Variants in ADK observed in about 807,000 individuals in gnomAD.
The protein encoded by ADK is N6,N6-dimethyladenosine kinase.
A neutral mutation model predicts 44.7 loss-of-function variants in ADK; 24 were observed. That is an observed-to-expected ratio of 0.54 (90% CI 0.39 to 0.76). ADK has a LOEUF of 0.76. Among genes scored for constraint, ADK ranks in the 30% least tolerant of loss-of-function variants. The probability of loss-of-function intolerance (pLI) is 0.00; values close to 1 mark genes in which losing one functional copy is unlikely to be tolerated. For missense variants in ADK, 321 were observed against 425.1 expected, an observed-to-expected ratio of 0.76 and a Z score of 2.15; for synonymous variants, 128 against 142.6, an observed-to-expected ratio of 0.90 and a Z score of 0.73.
chr10:74,564,464 G>A (rs1480560834), intron 7 of ADK, among the ~76,000 whole-genome samples: 1 of 151,934 alleles, frequency 6.6e-6, no homozygotes. Flanking sequence ...TCCTTTTACT[G>A]TTTTTCTTCC....
intron 4 of ADK, among the ~76,000 whole-genome samples, chr10:74,332,925 A>T (rs1841269594): frequency 6.6e-6 from 1 of 152,182 alleles, no homozygotes; most frequent in South Asian, 2.1e-4. Context: ...ATTTTTCTTA[A>T]ATTGAATATG....
intron 10 of ADK, among the ~76,000 whole-genome samples, chr10:74,696,391 G>A (rs909189837): frequency 2.0e-5 from 3 of 148,234 alleles, no homozygotes; most frequent in Admixed American, 6.7e-5. Flanking sequence ...TTTTTGAAAC[G>A]AACTCGTTCT....
At chr10:74,486,554 A>G (rs894453385) in intron 6 of ADK, among the ~76,000 whole-genome samples, 1 of 152,194 alleles carries the variant, frequency 6.6e-6, no homozygotes, top group Non-Finnish European at 1.5e-5. Flanking sequence ...TTAAAACTTT[A>G]TAATGAATAT....
At chr10:74,528,484 C>G (rs544520333) in intron 7 of ADK, among the ~76,000 whole-genome samples, 26 of 150,254 alleles carry the variant, frequency 1.7e-4, no homozygotes, top group African/African-American at 6.3e-4. Flanking sequence ...AAAAAAGACT[C>G]CAAAGTACAA....
At chr10:74,181,154 A>G (rs1350028274) in intron 1 of ADK, among the ~76,000 whole-genome samples, 1 of 152,204 alleles carries the variant, frequency 6.6e-6, no homozygotes, top group Non-Finnish European at 1.5e-5. Context: ...ACATATCTTG[A>G]ACTAGATATG....
chr10:74,551,146 C>G (rs1056960796), intron 7 of ADK, among the ~76,000 whole-genome samples: 1 of 152,160 alleles, frequency 6.6e-6, no homozygotes, highest in East Asian at 1.9e-4. Flanking sequence ...TACAGTCATA[C>G]AGTTACAGCA....
intron 4 of ADK, among the ~76,000 whole-genome samples, chr10:74,383,130 GTAATAA>G (rs960867768): frequency 1.3e-5 from 2 of 151,556 alleles, no homozygotes; most frequent in African/African-American, 4.8e-5. Context: ...AATTACAACA[GTAATAA>G]TAATAATAAT....
intron 2 of ADK, among the ~76,000 whole-genome samples, chr10:74,217,557 A>C (rs1844103272): frequency 6.6e-6 from 1 of 152,220 alleles, no homozygotes; most frequent in Non-Finnish European, 1.5e-5. Flanking sequence ...GAGAACGGGC[A>C]GACTGCCTCC....
At chr10:74,349,301 A>G (rs1024582127) in intron 4 of ADK, among the ~76,000 whole-genome samples, 3 of 152,210 alleles carry the variant, frequency 2.0e-5, no homozygotes, top group Non-Finnish European at 4.4e-5. Flanking sequence ...AGAATTTCAT[A>G]TCCAGCCAAA....
At chr10:74,456,898 C>T (rs985065036) in intron 6 of ADK, among the ~76,000 whole-genome samples, 17 of 151,996 alleles carry the variant, frequency 1.1e-4, no homozygotes, top group Admixed American at 2.0e-4. Context: ...AAAATGGACA[C>T]ACTAACATCA....
At chr10:74,656,958 C>G (rs1042564018) in intron 9 of ADK, among the ~76,000 whole-genome samples, 1 of 151,918 alleles carries the variant, frequency 6.6e-6, no homozygotes, top group Non-Finnish European at 1.5e-5. Context: ...TTCCTGGACT[C>G]AAAGGATCCT....
chr10:74,188,139 C>T (rs1842822452), intron 1 of ADK, among the ~76,000 whole-genome samples: 1 of 151,996 alleles, frequency 6.6e-6, no homozygotes, highest in South Asian at 2.1e-4. Context: ...AATTTATTCT[C>T]AATTGTTGAG....
At chr10:74,450,081 G>A (rs1045402093) in intron 6 of ADK, among the ~76,000 whole-genome samples, 1 of 152,136 alleles carries the variant, frequency 6.6e-6, no homozygotes, top group Non-Finnish European at 1.5e-5. Flanking sequence ...TGAGGTGGGA[G>A]GTCAGTTGAG....
chr10:74,537,588 TAAG>T (rs934832125), intron 7 of ADK, among the ~76,000 whole-genome samples: 71 of 152,348 alleles, frequency 4.7e-4, no homozygotes, highest in African/African-American at 1.6e-3. Context: ...TTTATTAAAT[TAAG>T]AAGGTTTTTT....
intron 6 of ADK, among the ~76,000 whole-genome samples, chr10:74,452,578 G>A (rs1406907155): frequency 6.6e-6 from 1 of 151,942 alleles, no homozygotes; most frequent in South Asian, 2.1e-4. Flanking sequence ...ATATATTCAG[G>A]TGATTTTTTC....
intron 6 of ADK, among the ~76,000 whole-genome samples, chr10:74,478,671 A>G (rs561577421): frequency 6.6e-6 from 1 of 152,268 alleles, no homozygotes; most frequent in South Asian, 2.1e-4. Flanking sequence ...ATCTCCATCT[A>G]TAGAATGCAA....
intron 9 of ADK, among the ~76,000 whole-genome samples, chr10:74,603,864 C>G (rs962090332): frequency 3.9e-5 from 6 of 152,158 alleles, no homozygotes; most frequent in African/African-American, 1.4e-4. Context: ...ACACTTCCAC[C>G]AACAGTGTAA....
intron 4 of ADK, among the ~76,000 whole-genome samples, chr10:74,374,464 A>G (rs1165914204): frequency 6.6e-6 from 1 of 152,164 alleles, no homozygotes; most frequent in Non-Finnish European, 1.5e-5. Flanking sequence ...CAATATCACT[A>G]CTAAACAAGA....
At chr10:74,677,810 C>A (rs1293397947) in intron 10 of ADK, among the ~76,000 whole-genome samples, 1 of 151,534 alleles carries the variant, frequency 6.6e-6, no homozygotes, top group African/African-American at 2.4e-5. Flanking sequence ...ATCAAATGAA[C>A]AGTGAAATTG....
Sources: gnomAD v4.1 joint callset for allele counts (sites outside exome capture counted in the v4.1 genomes callset) on GRCh38, gnomAD v4.1.1 for gene constraint, MANE v1.5 for transcripts, NCBI Gene and HGNC (gene_info 2026-07-23, HGNC 2026-07-21) for gene names.